MND1: variants seen among roughly 807,000 people sequenced by gnomAD.
MND1 encodes the protein meiotic nuclear divisions 1.
A neutral mutation model predicts 35.1 loss-of-function variants in MND1; 28 were observed. The observed-to-expected ratio is 0.80, with a 90% CI of 0.59 to 1.09. The LOEUF (loss-of-function observed/expected upper bound fraction) is 1.09, where lower values mean the gene tolerates loss of function less well. Ranked by LOEUF, MND1 falls within the 50% of genes least tolerant of loss-of-function variation. The pLI is 0.00. For missense variants in MND1, 213 were observed against 239.6 expected (o/e 0.89, Z 0.73); for synonymous variants, 69 against 70.5 (o/e 0.98, Z 0.11).
intron 6 of MND1, 31 bp from the exon 7 acceptor site, chr4:153,408,919 TATATATATATATATAAATACA>T: frequency 1.8e-6 from 1 of 553,166 alleles, no homozygotes. Context: ...TGTGTATATA[TATATATATATATATAAATACA>T]TTTCATTTTA....
At chr4:153,357,611 A>G (rs989218539) in intron 3 of MND1, among the ~76,000 whole-genome samples, 4 of 152,198 alleles carry the variant, frequency 2.6e-5, no homozygotes, top group Non-Finnish European at 5.9e-5. Context: ...CCATGTATAT[A>G]ACTGGACCCA....
At chr4:153,348,979 C>T (rs1330186896) in intron 1 of MND1, among the ~76,000 whole-genome samples, 2 of 152,032 alleles carry the variant, frequency 1.3e-5, no homozygotes, top group African/African-American at 4.8e-5. Flanking sequence ...GCTTTTTAAG[C>T]AAACAATTTA....
At chr4:153,356,430 A>G (rs1773339379) in intron 3 of MND1, among the ~76,000 whole-genome samples, 1 of 151,650 alleles carries the variant, frequency 6.6e-6, no homozygotes, top group African/African-American at 2.4e-5. Flanking sequence ...GCAGGCGTCT[A>G]TAGTCCCAGC....
At chr4:153,409,369 G>GATAATAATA (rs1729616510) in intron 7 of MND1, among the ~76,000 whole-genome samples, 1 of 74,924 alleles carries the variant, frequency 1.3e-5, no homozygotes, top group African/African-American at 9.5e-5. Context: ...TTATCATCTT[G>GATAATAATA]CTAATAATAA....
intron 2 of MND1, among the ~76,000 whole-genome samples, chr4:153,352,564 C>T (rs928231765): frequency 1.3e-5 from 2 of 151,874 alleles, no homozygotes; most frequent in African/African-American, 2.4e-5. Flanking sequence ...ATGCCCAGGT[C>T]GTAAGTGCTT....
intron 4 of MND1, among the ~76,000 whole-genome samples, chr4:153,368,879 A>G (rs1262668173): frequency 2.0e-5 from 3 of 152,222 alleles, no homozygotes; most frequent in Admixed American, 1.3e-4. Context: ...GTACTCCAAA[A>G]CAGGGTGACT....
chr4:153,373,280 A>C (rs1284597574), intron 4 of MND1, among the ~76,000 whole-genome samples: 1 of 152,174 alleles, frequency 6.6e-6, no homozygotes, highest in Non-Finnish European at 1.5e-5. Context: ...TTTATTCAAC[A>C]AATAATTATT....
At chr4:153,374,914 G>A (rs1478806684) in intron 4 of MND1, among the ~76,000 whole-genome samples, 4 of 152,038 alleles carry the variant, frequency 2.6e-5, no homozygotes, top group African/African-American at 4.8e-5. Context: ...TGGCTGCTCC[G>A]TGCATGTGCT....
In MND1 at chr4:153,414,974, T is replaced by A; in HGVS notation, c.*117T>A. 3 of 460,326 alleles carry A rather than the reference T, an allele frequency of 6.5e-6. No homozygotes were observed. The highest frequency in any genetic ancestry group is 1.2e-5 in the Non-Finnish European group (3 of 255,486). 28.5% of individuals were successfully genotyped at this position (460,326 alleles called of 1,614,324 possible). ...GTAACTGTGTTTATCATTTTATTAA[T>A]GTTAAATAAAGTGTAAAATGCAGAT... is the stretch of plus-strand genomic sequence containing the variant. On this transcript the variant is annotated 3_prime_UTR_variant, in exon 8 of 8. Coordinates refer to ENST00000240488, the MANE Select transcript of MND1 (RefSeq NM_032117.4).
chr4:153,399,225 C>T (rs761913348), intron 6 of MND1, among the ~76,000 whole-genome samples: 1 of 152,088 alleles, frequency 6.6e-6, no homozygotes, highest in Non-Finnish European at 1.5e-5. Context: ...TCTTATATGT[C>T]TAGGACCTAC....
At chr4:153,368,503 T>C (rs892981740) in intron 4 of MND1, among the ~76,000 whole-genome samples, 1 of 152,184 alleles carries the variant, frequency 6.6e-6, no homozygotes, top group Admixed American at 6.5e-5. Flanking sequence ...GTCTGATAAA[T>C]GAGATGTAAG....
Position 153,390,917 on chromosome 4 carries a change from A to ATGTGTGTG in MND1, c.277-3344_277-3343insGTGTGTGT, listed in dbSNP as rs1472569852. Among the ~76,000 whole-genome samples, 48 of 103,122 alleles carry ATGTGTGTG rather than the reference A, an allele frequency of 4.7e-4. 1 individual carries two copies. In the East Asian group the frequency reaches 5.2e-3, roughly 11 times the overall value. 67.7% of individuals were successfully genotyped at this position (103,122 alleles called of 152,430 possible). ...TGTGTGTGTGTGTGTGTGTGTGTGT[A>ATGTGTGTG]TATGTGTGTGTGTGTGTGTGTGTGT... is the stretch of plus-strand genomic sequence containing the variant. On this transcript the variant is annotated intron_variant, in intron 4 of 7. Transcript: ENST00000240488.
At chr4:153,350,734 A>G (rs774116173) in intron 2 of MND1, among the ~76,000 whole-genome samples, 34 of 152,148 alleles carry the variant, frequency 2.2e-4, no homozygotes, top group Non-Finnish European at 4.1e-4. Flanking sequence ...TTACACTGTT[A>G]CTGGAAGGCT....
At chr4:153,391,758 A>G (rs1025186761) in intron 4 of MND1, among the ~76,000 whole-genome samples, 1 of 151,750 alleles carries the variant, frequency 6.6e-6, no homozygotes, top group Non-Finnish European at 1.5e-5. Flanking sequence ...ACATACATAC[A>G]TATATATATC....
intron 3 of MND1, 88 bp from the exon 4 acceptor site, chr4:153,358,386 T>TAA: frequency 9.0e-7 from 1 of 1,116,842 alleles, no homozygotes; most frequent in Non-Finnish European, 1.2e-6. Context: ...ATTTGTGATA[T>TAA]GTTTTGCAAG....
intron 4 of MND1, among the ~76,000 whole-genome samples, chr4:153,363,647 A>T (rs1773554348): frequency 6.6e-6 from 1 of 152,168 alleles, no homozygotes; most frequent in South Asian, 2.1e-4. Context: ...GGAGAAAAGG[A>T]AGAGGCTAGA....
chr4:153,406,884 A>G (rs1729525258), intron 6 of MND1, among the ~76,000 whole-genome samples: 1 of 152,242 alleles, frequency 6.6e-6, no homozygotes, highest in South Asian at 2.1e-4. Flanking sequence ...TATTTGGGGA[A>G]ACCTCACAAT....
chr4:153,360,624 A>G (rs1004674060), intron 4 of MND1, among the ~76,000 whole-genome samples: 4 of 148,726 alleles, frequency 2.7e-5, no homozygotes, highest in South Asian at 4.2e-4. Context: ...ATATACACAT[A>G]AAAATACACA....
chr4:153,398,936 G>A (rs1729272139), intron 6 of MND1, among the ~76,000 whole-genome samples: 1 of 152,138 alleles, frequency 6.6e-6, no homozygotes, highest in South Asian at 2.1e-4. Context: ...TGTTCAGGAG[G>A]ACTTAGAACA....
Sources: gnomAD v4.1 joint callset for allele counts (sites outside exome capture counted in the v4.1 genomes callset) on GRCh38, gnomAD v4.1.1 for gene constraint, MANE v1.5 for transcripts, NCBI Gene and HGNC (gene_info 2026-07-23, HGNC 2026-07-21) for gene names.